Variants in FMNL2 observed in about 807,000 individuals in gnomAD.
FMNL2 encodes the protein formin-like protein 2.
Under a neutral mutation model 130.2 loss-of-function variants are expected in FMNL2, and 51 were observed. The observed-to-expected ratio is 0.39, with a 90% CI of 0.31 to 0.49. The LOEUF (loss-of-function observed/expected upper bound fraction) is 0.49, where lower values mean the gene tolerates loss of function less well. FMNL2 is among the 20% of genes least tolerant of loss of function. The pLI is 0.85. For missense variants in FMNL2, 977 were observed against 1,316.2 expected, an observed-to-expected ratio of 0.74 and a Z score of 3.99; for synonymous variants, 465 against 467.1, an observed-to-expected ratio of 1.00 and a Z score of 0.06.
chr2:152,589,999 A>ATGTATATGTATGTATATG (rs58850746), intron 9 of FMNL2, among the ~76,000 whole-genome samples: 1,569 of 115,732 alleles, frequency 0.014, 103 homozygotes, highest in East Asian at 0.055. Flanking sequence ...ATGTATATGT[A>ATGTATATGTATGTATATG]TATATATATA....
At chr2:152,459,861 C>A (rs1689149623) in intron 1 of FMNL2, among the ~76,000 whole-genome samples, 1 of 151,998 alleles carries the variant, frequency 6.6e-6, no homozygotes, top group African/African-American at 2.4e-5. Context: ...AAGAAAAAAA[C>A]CCCAGATGTT....
intron 25 of FMNL2, among the ~76,000 whole-genome samples, chr2:152,642,272 T>C (rs550710237): frequency 6.6e-6 from 1 of 152,270 alleles, no homozygotes; most frequent in Admixed American, 6.5e-5. Context: ...TAGTGAACAT[T>C]GTACATTGGG....
At chr2:152,474,822 A>C (rs938267926) in intron 1 of FMNL2, among the ~76,000 whole-genome samples, 1 of 152,226 alleles carries the variant, frequency 6.6e-6, no homozygotes, top group Non-Finnish European at 1.5e-5. Context: ...GCTTTTATTT[A>C]ACAATTCTTT....
Position 152,494,495 on chromosome 2 carries a change from T to C in FMNL2, c.118-27448T>C, listed in dbSNP as rs143064944. On this transcript the variant is annotated intron_variant, in intron 1 of 25. Coordinates refer to ENST00000288670, the MANE Select transcript of FMNL2 (RefSeq NM_052905.4). ...AGCTGATATGTGATTGTGTTTTTCC[T>C]GTCTTGATTGTTTTTAAGTTTGGTC... 8.5e-5 allele frequency among the ~76,000 whole-genome samples: 13 copies of C among 152,336 alleles called. No homozygotes were observed. The East Asian group carries it at 2.5e-3, about 29-fold the overall frequency.
chr2:152,381,955 C>T (rs762800706), intron 1 of FMNL2, among the ~76,000 whole-genome samples: 1 of 152,034 alleles, frequency 6.6e-6, no homozygotes, highest in Non-Finnish European at 1.5e-5. Context: ...GGCATCATCA[C>T]ACCCAGCTAA....
chr2:152,498,186 A>G (rs1171386299), intron 1 of FMNL2, among the ~76,000 whole-genome samples: 1 of 152,230 alleles, frequency 6.6e-6, no homozygotes, highest in East Asian at 1.9e-4. Context: ...AATATATGAC[A>G]TGTGCCCCAG....
chr2:152,387,749 A>G (rs1314119215), intron 1 of FMNL2, among the ~76,000 whole-genome samples: 3 of 151,312 alleles, frequency 2.0e-5, no homozygotes, highest in Non-Finnish European at 2.9e-5. Flanking sequence ...AAACTTTTGG[A>G]CTCAAGCCAT....
chr2:152,641,060 C>T (rs535220160), intron 25 of FMNL2, 146 bp downstream of exon 25: 1 of 1,043,534 alleles, frequency 9.6e-7, no homozygotes, highest in African/African-American at 1.6e-5. Context: ...TGCAGAGAGG[C>T]TTTGAAGTCC....
intron 10 of FMNL2, among the ~76,000 whole-genome samples, chr2:152,611,294 A>G (rs1378694649): frequency 6.6e-6 from 1 of 152,158 alleles, no homozygotes; most frequent in African/African-American, 2.4e-5. Context: ...AGCCGAGATC[A>G]TGCCACTGCA....
intron 9 of FMNL2, among the ~76,000 whole-genome samples, chr2:152,605,316 G>T (rs1048125670): frequency 2.0e-5 from 3 of 146,958 alleles, no homozygotes; most frequent in African/African-American, 5.4e-5. Flanking sequence ...GCGTGTGTGT[G>T]TGCGTGTGTG....
chr2:152,574,482 C>CTACTTGCT (rs1473786770), intron 6 of FMNL2, among the ~76,000 whole-genome samples: 3 of 148,852 alleles, frequency 2.0e-5, no homozygotes, highest in African/African-American at 7.4e-5. Flanking sequence ...TAAGGTTTGT[C>CTACTTGCT]TACTTGCTGG....
At chr2:152,600,470 C>T (rs1414558280) in intron 9 of FMNL2, among the ~76,000 whole-genome samples, 1 of 152,146 alleles carries the variant, frequency 6.6e-6, no homozygotes, top group African/African-American at 2.4e-5. Context: ...TGTTACTCAC[C>T]TTGAAGAGGG....
intron 1 of FMNL2, among the ~76,000 whole-genome samples, chr2:152,459,315 G>A (rs1689115613): frequency 6.6e-6 from 1 of 152,140 alleles, no homozygotes; most frequent in South Asian, 2.1e-4. Context: ...TTGGAATGAG[G>A]TCTTTCATGA....
intron 1 of FMNL2, chr2:152,390,099 G>T: frequency 7.0e-7 from 1 of 1,425,422 alleles, no homozygotes; most frequent in Non-Finnish European, 9.9e-7. Context: ...GGAAGATGAG[G>T]AGGACAAAGG....
intron 1 of FMNL2, among the ~76,000 whole-genome samples, chr2:152,399,764 G>T (rs1480780585): frequency 6.6e-6 from 1 of 152,190 alleles, no homozygotes; most frequent in Non-Finnish European, 1.5e-5. Context: ...GAGAGGCTGG[G>T]AAGTGAGGAA....
intron 7 of FMNL2, among the ~76,000 whole-genome samples, chr2:152,577,271 A>G (rs1696529688): frequency 6.6e-6 from 1 of 152,156 alleles, no homozygotes; most frequent in Non-Finnish European, 1.5e-5. Flanking sequence ...TGTCTTGGGC[A>G]CCTGTGAGAT....
chr2:152,344,096 G>A (rs1410799501), intron 1 of FMNL2, among the ~76,000 whole-genome samples: 1 of 152,122 alleles, frequency 6.6e-6, no homozygotes, highest in African/African-American at 2.4e-5. Context: ...AGGTTGCAGT[G>A]AGCTATGATC....
chr2:152,431,278 C>T (rs1687477757), intron 1 of FMNL2, among the ~76,000 whole-genome samples: 1 of 152,148 alleles, frequency 6.6e-6, no homozygotes, highest in South Asian at 2.1e-4. Context: ...TTATAAGGCT[C>T]AATTATGATA....
chr2:152,356,814 A>G (rs1321549017), intron 1 of FMNL2, among the ~76,000 whole-genome samples: 1 of 151,466 alleles, frequency 6.6e-6, no homozygotes. Context: ...AGTGTTAACT[A>G]AGTGCAGGAA....
Sources: gnomAD v4.1 joint callset for allele counts (sites outside exome capture counted in the v4.1 genomes callset) on GRCh38, gnomAD v4.1.1 for gene constraint, MANE v1.5 for transcripts, NCBI Gene and HGNC (gene_info 2026-07-23, HGNC 2026-07-21) for gene names.